The following SH3GL1 variants were observed in gnomAD, a reference collection of about 807,000 sequenced individuals.
SH3GL1 encodes endophilin-A2.
SH3GL1 carries 21 observed loss-of-function variants against 48.8 expected under a neutral mutation model. That is an observed-to-expected ratio of 0.43 (90% CI 0.30 to 0.62). The LOEUF (loss-of-function observed/expected upper bound fraction) is 0.62, where lower values mean the gene tolerates loss of function less well. Among genes scored for constraint, SH3GL1 ranks in the 20% least tolerant of loss-of-function variants. The pLI is 0.11. For missense variants in SH3GL1, 454 were observed against 503.0 expected (o/e 0.90, Z 0.93); for synonymous variants, 282 against 217.5 (o/e 1.30, Z -2.61).
intron 1 of SH3GL1, among the ~76,000 whole-genome samples, chr19:4,387,666 T>C (rs1312977317): frequency 6.6e-6 from 1 of 152,126 alleles, no homozygotes; most frequent in East Asian, 1.9e-4. Context: ...TCTATTGTTT[T>C]GCTGCTGTTG....
At chr19:4,375,218 G>A (rs1245717609) in intron 1 of SH3GL1, among the ~76,000 whole-genome samples, 1 of 152,024 alleles carries the variant, frequency 6.6e-6, no homozygotes, top group African/African-American at 2.4e-5. Flanking sequence ...GACAGAGCCA[G>A]CCGGGCCCTC....
chr19:4,380,438 C>T (rs550158845), intron 1 of SH3GL1: 58 of 152,770 alleles, frequency 3.8e-4, no homozygotes, highest in Non-Finnish European at 4.7e-4. Context: ...TGGCCGTGGG[C>T]TTTTAAGGAT....
intron 1 of SH3GL1, among the ~76,000 whole-genome samples, chr19:4,387,820 A>G (rs1461722285): frequency 6.6e-6 from 1 of 152,048 alleles, no homozygotes; most frequent in Admixed American, 6.6e-5. Flanking sequence ...AGTAGCGGGG[A>G]TTACAGATAT....
intron 1 of SH3GL1, among the ~76,000 whole-genome samples, chr19:4,378,333 G>A (rs1197009550): frequency 1.3e-5 from 2 of 152,054 alleles, no homozygotes; most frequent in East Asian, 3.8e-4. Flanking sequence ...CAGCTCTGCC[G>A]TTCGGGGCTG....
Position 4,361,672 on chromosome 19 carries a change from C to G in SH3GL1, c.1035G>C (p.Glu345Asp). The change falls in exon 10 of 10, where the codon GAG becomes GAC. Residue 345 changes from glutamate to aspartate, a missense_variant. By Grantham distance (45) the Glu-to-Asp change is conservative. This residue lies in a region of SH3GL1 where 278 missense variants were observed against 246.8 expected (regional missense o/e 1.13). Coordinates refer to ENST00000269886, the MANE Select transcript of SH3GL1 (RefSeq NM_003025.4). ...LTNQIDENWY[E>D]GMLDGQSGFF... ...AGCCCGACTGGCCGTCCAGCATGCC[C>G]TCGTACCAGTTCTCATCGATCTGGT... 6.2e-7 allele frequency: 1 copy of G among 1,612,852 alleles called. No individual in the cohort carries two copies. The highest frequency in any genetic ancestry group is 8.5e-7 in the Non-Finnish European group (1 of 1,179,840).
At position 4,363,147 on chromosome 19, in the gene SH3GL1, C is replaced by A. The variant is rs372635447; in HGVS notation, c.728+223G>T. Among the ~76,000 whole-genome samples the A allele has an allele frequency of 1.5e-4, 23 of 152,304 alleles. No individual in the cohort carries two copies. The East Asian group carries it at 3.3e-3, about 22-fold the overall frequency. On this transcript the variant is annotated intron_variant, in intron 7 of 9. Coordinates refer to ENST00000269886, the MANE Select transcript of SH3GL1 (RefSeq NM_003025.4). ...GCAACGTGCAGCCAGGGAGGGAGTC[C>A]CCGGGGCCTGCATCGGGGCAGGGCT...
chr19:4,367,677 C>T lies in SH3GL1; in HGVS notation c.46-683G>A, dbSNP rs1220375551. Reference sequence around the variant, plus strand: ...CGATGACAATGACAGGCACTTACAGCGTCTTTCCTCGTGTGGTGGGAAGGC... The same window carrying T: ...CGATGACAATGACAGGCACTTACAGTGTCTTTCCTCGTGTGGTGGGAAGGC... On this transcript the variant is annotated intron_variant, in intron 1 of 9. Coordinates refer to ENST00000269886, the MANE Select transcript of SH3GL1 (RefSeq NM_003025.4). The surrounding 1 kb of genome is among the most constrained non-coding windows in gnomAD (Gnocchi z 4.2). Among the ~76,000 whole-genome samples the T allele has an allele frequency of 6.6e-6, 1 of 152,188 alleles. No individual in the cohort carries two copies. Among genetic ancestry groups the T allele is most frequent in the East Asian group, 1.9e-4 (1 of 5,196 alleles).
chr19:4,365,039 G>A (rs1352843977), intron 4 of SH3GL1, among the ~76,000 whole-genome samples: 1 of 151,864 alleles, frequency 6.6e-6, no homozygotes, highest in Non-Finnish European at 1.5e-5. Flanking sequence ...ACAGGCATGA[G>A]CCACCACACT....
intron 1 of SH3GL1, among the ~76,000 whole-genome samples, chr19:4,381,397 G>C: frequency 1.4e-5 from 1 of 71,878 alleles, no homozygotes; most frequent in Non-Finnish European, 2.6e-5. Flanking sequence ...GCCTCTCTCT[G>C]TCCCCCTACC....
At chr19:4,391,513 T>C (rs1437286858) in intron 1 of SH3GL1, among the ~76,000 whole-genome samples, 1 of 152,218 alleles carries the variant, frequency 6.6e-6, no homozygotes, top group Non-Finnish European at 1.5e-5. Flanking sequence ...TGACTTGTTC[T>C]GGGACCTACT....
rs537848770 is a variant in SH3GL1, at chr19:4,389,866, A to G, written c.45+10458T>C. Among the ~76,000 whole-genome samples, 1 of 152,316 alleles carries G rather than the reference A, an allele frequency of 6.6e-6. No homozygotes were observed. The highest frequency in any genetic ancestry group is 2.1e-4 in the South Asian group (1 of 4,824). ...CCCATTGGCATGAAACCATGTGGGG[A>G]GCTGTCCACTTGGGGGCCAGGGCAG... On this transcript the variant is annotated intron_variant, in intron 1 of 9. Coordinates refer to ENST00000269886, the MANE Select transcript of SH3GL1 (RefSeq NM_003025.4). This position sits in a 1 kb window ranked among gnomAD's most constrained non-coding sequence, Gnocchi z 4.5.
intron 1 of SH3GL1, among the ~76,000 whole-genome samples, chr19:4,375,704 T>C (rs755653089): frequency 6.6e-6 from 1 of 152,280 alleles, no homozygotes; most frequent in African/African-American, 2.4e-5. Flanking sequence ...ATTTCTCATC[T>C]TGGGGACCAG....
chr19:4,384,153 C>G (rs764409848), intron 1 of SH3GL1, among the ~76,000 whole-genome samples: 28 of 152,164 alleles, frequency 1.8e-4, no homozygotes, highest in Non-Finnish European at 3.2e-4. Flanking sequence ...AACGCAGGCT[C>G]CAGAGGAATT....
rs568966933 is a variant in SH3GL1, at chr19:4,362,740, T to G, written c.729-4A>C. The G allele has an allele frequency of 2.5e-6, 4 of 1,613,668 alleles. No homozygotes were observed. The highest frequency in any genetic ancestry group is 3.4e-6 in the Non-Finnish European group (4 of 1,179,992). ...GCGTGAGGAAGCTTCCCGCATCCTG[T>G]GAAGGGAGAGGCGTGAGTGGACCGA... is the stretch of plus-strand genomic sequence containing the variant. On this transcript the variant is annotated splice_region_variant and splice_polypyrimidine_tract_variant and intron_variant, in intron 7 of 9. Coordinates refer to ENST00000269886, the MANE Select transcript of SH3GL1 (RefSeq NM_003025.4).
intron 7 of SH3GL1, 124 bp from the exon 8 acceptor site, chr19:4,362,860 GT>G: frequency 6.9e-7 from 1 of 1,457,202 alleles, no homozygotes; most frequent in Non-Finnish European, 9.5e-7. Flanking sequence ...CAGTGGGGTT[GT>G]GACACATGGA....
At chr19:4,362,203 C>CT in intron 9 of SH3GL1, 126 bp downstream of exon 9, 1 of 980,346 alleles carries the variant, frequency 1.0e-6, no homozygotes. Flanking sequence ...CCTGTGCCCC[C>CT]TACTGCTGCA....
At chr19:4,375,391 G>A (rs1972987001) in intron 1 of SH3GL1, among the ~76,000 whole-genome samples, 2 of 152,254 alleles carry the variant, frequency 1.3e-5, no homozygotes, top group South Asian at 4.1e-4. Context: ...CCCTGGCTCT[G>A]CCTGGAATGC....
chr19:4,398,705 A>G (rs1973466566), intron 1 of SH3GL1, among the ~76,000 whole-genome samples: 1 of 152,150 alleles, frequency 6.6e-6, no homozygotes, highest in Non-Finnish European at 1.5e-5. Context: ...GAAATTGCAA[A>G]GTGAAAATTT....
chr19:4,364,433 ATCCTT>A, intron 4 of SH3GL1: 1 of 586,910 alleles, frequency 1.7e-6, no homozygotes, highest in South Asian at 2.0e-5. Context: ...CCACACCTGG[ATCCTT>A]TCCAACTTCT....
Sources: gnomAD v4.1 joint callset for allele counts (sites outside exome capture counted in the v4.1 genomes callset) on GRCh38, gnomAD v4.1.1 for gene constraint, gnomAD v4.1.1 regional missense constraint, Gnocchi (gnomAD v3.1) non-coding constraint, MANE v1.5 for transcripts, NCBI Gene and HGNC (gene_info 2026-07-23, HGNC 2026-07-21) for gene names.